EMCN: variants seen among roughly 807,000 people sequenced by gnomAD.
EMCN encodes the protein MUC-14.
Under a neutral mutation model 38.4 loss-of-function variants are expected in EMCN, and 37 were observed. The ratio of observed to expected loss-of-function variants is 0.96; its 90% confidence interval spans 0.74 to 1.27. The LOEUF (loss-of-function observed/expected upper bound fraction) is 1.27, where lower values mean the gene tolerates loss of function less well. Among genes scored for constraint, EMCN ranks in the 50% most tolerant of loss-of-function variants. The pLI is 0.00. For synonymous variants in EMCN, 95 were observed against 100.8 expected (o/e 0.94, Z 0.35); for missense variants, 318 against 302.8 (o/e 1.05, Z -0.37).
At chr4:100,441,414 T>A (rs972208107) in intron 5 of EMCN, among the ~76,000 whole-genome samples, 1 of 152,190 alleles carries the variant, frequency 6.6e-6, no homozygotes, top group Non-Finnish European at 1.5e-5. Flanking sequence ...TAACTGGGTG[T>A]CTTGTAGGCA....
At chr4:100,462,144 T>A (rs1043889747) in intron 4 of EMCN, among the ~76,000 whole-genome samples, 2 of 152,148 alleles carry the variant, frequency 1.3e-5, no homozygotes, top group Non-Finnish European at 2.9e-5. Context: ...AATGTAATAA[T>A]AAATTCTAAA....
chr4:100,415,062 A>G (rs1424612336), intron 10 of EMCN, among the ~76,000 whole-genome samples: 1 of 151,932 alleles, frequency 6.6e-6, no homozygotes, highest in Non-Finnish European at 1.5e-5. Flanking sequence ...TGCCCAGCTA[A>G]TTTTTGTATT....
intron 8 of EMCN, among the ~76,000 whole-genome samples, chr4:100,418,889 G>A (rs181124795): frequency 1.3e-5 from 2 of 152,062 alleles, no homozygotes; most frequent in African/African-American, 2.4e-5. Context: ...GATTTCCTGT[G>A]TTAAGCGTAT....
chr4:100,461,180 T>G lies in EMCN; in HGVS notation c.376+4243A>C, dbSNP rs546889404. Among the ~76,000 whole-genome samples the G allele has an allele frequency of 2.0e-5, 3 of 152,290 alleles. No homozygotes were observed. The East Asian group carries it at 5.8e-4, about 29-fold the overall frequency. On this transcript the variant is annotated intron_variant, in intron 4 of 11. Transcript: ENST00000296420. ...CATATCAGCACCTGTGCACTTTGTA[T>G]TTCCTCTTTGAATTCTCTCCCAGAT...
intron 1 of EMCN, among the ~76,000 whole-genome samples, chr4:100,483,664 A>G (rs1436037057): frequency 1.3e-5 from 2 of 152,166 alleles, no homozygotes; most frequent in African/African-American, 2.4e-5. Flanking sequence ...CATTTAGAAA[A>G]ATTTTGCAAC....
chr4:100,444,288 G>A (rs1450714956), intron 5 of EMCN, among the ~76,000 whole-genome samples: 1 of 152,214 alleles, frequency 6.6e-6, no homozygotes, highest in East Asian at 1.9e-4. Flanking sequence ...TGGGTCAGTG[G>A]AGCCTCTGGA....
At chr4:100,421,938 A>T (rs976786618) in intron 7 of EMCN, among the ~76,000 whole-genome samples, 6 of 152,074 alleles carry the variant, frequency 3.9e-5, no homozygotes, top group Admixed American at 3.3e-4. Flanking sequence ...TGTTTGGGGG[A>T]GTGATGTTGC....
chr4:100,515,493 A>C (rs147567982), intron 1 of EMCN, among the ~76,000 whole-genome samples: 2 of 152,264 alleles, frequency 1.3e-5, no homozygotes, highest in African/African-American at 4.8e-5. Context: ...GATTTTCACA[A>C]ACAGCATGAA....
intron 4 of EMCN, among the ~76,000 whole-genome samples, chr4:100,449,707 T>C (rs1727785139): frequency 6.6e-6 from 1 of 152,070 alleles, no homozygotes; most frequent in Non-Finnish European, 1.5e-5. Flanking sequence ...CAAAAATGTG[T>C]AATAATTCTA....
chr4:100,510,081 AAACTTAAG>A (rs1247078175), intron 1 of EMCN, among the ~76,000 whole-genome samples: 1 of 152,190 alleles, frequency 6.6e-6, no homozygotes, highest in African/African-American at 2.4e-5. Context: ...AGCTAGACTC[AAACTTAAG>A]TTTTCACATT....
chr4:100,416,613 A>G (rs1726742657), intron 9 of EMCN, among the ~76,000 whole-genome samples: 1 of 152,228 alleles, frequency 6.6e-6, no homozygotes, highest in Non-Finnish European at 1.5e-5. Context: ...AATTCCTGTC[A>G]ACAAGGAAAA....
chr4:100,438,002 A>C lies in EMCN; in HGVS notation c.415+9531T>G, dbSNP rs570372531. The stretch of plus-strand genomic sequence containing the variant: ...AATATTGCTTTTTGACATTTTAACA[A>C]TATAAATTTTTCTGATTCATAAATA... On this transcript the variant is annotated intron_variant, in intron 5 of 11. Coordinates refer to ENST00000296420, the MANE Select transcript of EMCN (RefSeq NM_016242.4). Among the ~76,000 whole-genome samples the C allele has an allele frequency of 8.5e-5, 13 of 152,202 alleles. No homozygotes were observed. The South Asian group carries it at 2.5e-3, about 29-fold the overall frequency.
intron 10 of EMCN, 74 bp from the exon 11 acceptor site, chr4:100,410,429 T>G: frequency 7.0e-7 from 1 of 1,424,682 alleles, no homozygotes; most frequent in East Asian, 2.3e-5. Context: ...TTCCTAGCTT[T>G]TTTCTATTTT....
intron 8 of EMCN, among the ~76,000 whole-genome samples, chr4:100,419,641 C>A (rs1464317448): frequency 6.6e-6 from 1 of 152,076 alleles, no homozygotes; most frequent in African/African-American, 2.4e-5. Context: ...TCAACACTCT[C>A]AGGCTGATTT....
chr4:100,480,096 C>G, intron 1 of EMCN, 57 bp from the exon 2 acceptor site: 1 of 1,491,308 alleles, frequency 6.7e-7, no homozygotes, highest in African/African-American at 1.4e-5. Flanking sequence ...AATTAATAGA[C>G]TAGTATATTT....
chr4:100,467,000 G>T (rs933781788), intron 3 of EMCN, among the ~76,000 whole-genome samples: 1 of 151,828 alleles, frequency 6.6e-6, no homozygotes, highest in Non-Finnish European at 1.5e-5. Context: ...AGTATATATA[G>T]CTAAGAAAGA....
chr4:100,507,001 GA>G (rs1411021956), intron 1 of EMCN, among the ~76,000 whole-genome samples: 4 of 152,032 alleles, frequency 2.6e-5, no homozygotes, highest in African/African-American at 9.7e-5. Context: ...AGTTCTCTGG[GA>G]ACCAGAAATA....
At chr4:100,456,143 C>A (rs1369279732) in intron 4 of EMCN, among the ~76,000 whole-genome samples, 3 of 152,114 alleles carry the variant, frequency 2.0e-5, no homozygotes, top group African/African-American at 7.2e-5. Flanking sequence ...ACATCTTCTT[C>A]TGAAATTGTA....
chr4:100,514,344 C>T (rs1042726397), intron 1 of EMCN, among the ~76,000 whole-genome samples: 1 of 152,058 alleles, frequency 6.6e-6, no homozygotes, highest in Admixed American at 6.6e-5. Context: ...CCTTCACTGC[C>T]AGTCAATGAT....
Sources: gnomAD v4.1 joint callset for allele counts (sites outside exome capture counted in the v4.1 genomes callset) on GRCh38, gnomAD v4.1.1 for gene constraint, MANE v1.5 for transcripts, NCBI Gene and HGNC (gene_info 2026-07-23, HGNC 2026-07-21) for gene names.